The following GAS6 variants were observed in gnomAD, a reference collection of about 807,000 sequenced individuals.
GAS6 encodes growth arrest-specific protein 6.
In GAS6, 41 loss-of-function variants were observed where a neutral mutation model predicts 75.8. That is an observed-to-expected ratio of 0.54 (90% CI 0.42 to 0.70). The LOEUF is 0.70. GAS6 is among the 30% of genes least tolerant of loss of function. GAS6 has a pLI of 0.00. For synonymous variants in GAS6, 432 were observed against 412.6 expected (o/e 1.05, Z -0.57); for missense variants, 854 against 940.2 (o/e 0.91, Z 1.20).
At chr13:113,859,658 G>A (rs780335145) in intron 2 of GAS6, among the ~76,000 whole-genome samples, 2 of 152,148 alleles carry the variant, frequency 1.3e-5, no homozygotes, top group Non-Finnish European at 2.9e-5. Context: ...ATATGTACAT[G>A]TGTGCATGTG....
chr13:113,858,914 CAT>C (rs1380266816), intron 2 of GAS6, among the ~76,000 whole-genome samples: 5 of 149,280 alleles, frequency 3.3e-5, no homozygotes, highest in African/African-American at 1.0e-4. Flanking sequence ...TGTATGTGTA[CAT>C]GTCTGTTAGT....
chr13:113,847,818 T>G (rs563809451), intron 3 of GAS6: 15 of 608,096 alleles, frequency 2.5e-5, no homozygotes, highest in Non-Finnish European at 3.5e-5. Flanking sequence ...TCACCTGAGG[T>G]TCCACTAACA....
At chr13:113,855,459 C>T (rs748166826) in intron 2 of GAS6, among the ~76,000 whole-genome samples, 8 of 152,286 alleles carry the variant, frequency 5.3e-5, no homozygotes, top group East Asian at 1.9e-4. Flanking sequence ...TGTGTGTTCC[C>T]GGCTTACAAA....
intron 12 of GAS6, 47 bp from the exon 13 acceptor site, chr13:113,823,597 G>A: frequency 1.9e-6 from 3 of 1,552,072 alleles, no homozygotes; most frequent in South Asian, 1.2e-5. Flanking sequence ...CGGTGGAGAG[G>A]CCACAGTGAG....
At chr13:113,825,944 G>A (rs1465661102) in intron 12 of GAS6, among the ~76,000 whole-genome samples, 3 of 152,316 alleles carry the variant, frequency 2.0e-5, no homozygotes, top group African/African-American at 2.4e-5. Context: ...GAGATCTGAC[G>A]GAGGGGGCGC....
At chr13:113,843,381 G>C (rs1017406880) in intron 4 of GAS6, 2 of 151,668 alleles carry the variant, frequency 1.3e-5, no homozygotes, top group Non-Finnish European at 2.9e-5. Context: ...GCCTTTCCCT[G>C]GGTGGTGACG....
intron 2 of GAS6, among the ~76,000 whole-genome samples, chr13:113,849,088 G>A (rs1001300239): frequency 6.6e-6 from 1 of 152,158 alleles, no homozygotes; most frequent in Non-Finnish European, 1.5e-5. Context: ...TGTGGGAAGA[G>A]CCTGGAGGCC....
rs2051994736 is a variant in GAS6 at position 113,863,881 on chromosome 13, G to T, written c.40C>A (p.Arg14Ser). 8.3e-7 allele frequency: 1 copy of T among 1,203,766 alleles called. No individual in the cohort carries two copies. The highest frequency in any genetic ancestry group is 1.0e-6 in the Non-Finnish European group (1 of 972,364). 74.6% of individuals were successfully genotyped at this position (1,203,766 alleles called of 1,614,324 possible). The change falls in exon 1 of 15, where the codon CGC becomes AGC. Residue 14 changes from arginine (R) to serine (S), a missense_variant. Physicochemically the swap from Arg to Ser is moderately radical, Grantham distance 110. Coordinates refer to ENST00000327773, the MANE Select transcript of GAS6 (RefSeq NM_000820.4). This position sits in a 1 kb window ranked among gnomAD's most constrained non-coding sequence, Gnocchi z 9.4. ...SLSPGPAALR[R>S]APQLLLLLLA... ...AGCAGCAGCAGCAGCTGCGGCGCGCGGCGCAGGGCGGCGGGCCCGGGCGAG... is the reference window on the plus strand; with the variant it reads ...AGCAGCAGCAGCAGCTGCGGCGCGCTGCGCAGGGCGGCGGGCCCGGGCGAG...
intron 6 of GAS6, 188 bp from the exon 7 acceptor site, chr13:113,835,823 C>T (rs1010842936): frequency 1.9e-5 from 26 of 1,386,954 alleles, no homozygotes; most frequent in African/African-American, 8.8e-5. Context: ...TGTTGGTGCA[C>T]GCTTCTGATC....
chr13:113,821,872 C>T (rs2051463723), intron 14 of GAS6, 86 bp downstream of exon 14: 2 of 1,100,866 alleles, frequency 1.8e-6, no homozygotes, highest in Non-Finnish European at 2.5e-6. Flanking sequence ...CCAGAAACCC[C>T]AGCCTGTCCA....
chr13:113,824,356 G>GCA (rs2051506382), intron 12 of GAS6, among the ~76,000 whole-genome samples: 2 of 148,564 alleles, frequency 1.3e-5, no homozygotes, highest in African/African-American at 2.5e-5. Context: ...GAGCACCTGC[G>GCA]GTCTGGGGTC....
chr13:113,838,010 G>T, intron 6 of GAS6, 59 bp downstream of exon 6: 1 of 1,597,246 alleles, frequency 6.3e-7, no homozygotes, highest in South Asian at 1.1e-5. Flanking sequence ...GAGCAGACAT[G>T]ACCGAAAATA....
At chr13:113,822,450 A>C (rs2051473893) in intron 13 of GAS6, 2 of 387,596 alleles carry the variant, frequency 5.2e-6, no homozygotes, top group Non-Finnish European at 9.2e-6. Flanking sequence ...TGGGTGTGAG[A>C]GGGTCAACCC....
At chr13:113,861,449 T>C (rs1344641966) in intron 2 of GAS6, among the ~76,000 whole-genome samples, 4 of 152,182 alleles carry the variant, frequency 2.6e-5, no homozygotes, top group African/African-American at 9.7e-5. Flanking sequence ...GCCACAGCCC[T>C]TTTCCTCAAT....
rs2051824344 is a variant in GAS6 at position 113,845,170 on chromosome 13, C to G, written c.343+1357G>C. On this transcript the variant is annotated intron_variant, in intron 4 of 14. Coordinates refer to ENST00000327773, the MANE Select transcript of GAS6 (RefSeq NM_000820.4). The surrounding 1 kb of genome is among the most constrained non-coding windows in gnomAD (Gnocchi z 4.3). ...GGCCGGGCCACAGGGCAGGGCCACC[C>G]TCCCATTCCCATGTTTACACTGAGC... 6.6e-6 allele frequency: 1 copy of G among 150,710 alleles called. No homozygotes were observed. The highest frequency in any genetic ancestry group is 6.6e-5 in the Admixed American group (1 of 15,228). The allele number at this position is 150,710 out of a possible 1,614,324, so 9.3% of individuals were successfully genotyped here. A position where few individuals can be genotyped will look rare whatever the true frequency, so the allele number is the denominator to read the frequency against.
intron 8 of GAS6, chr13:113,832,954 G>A (rs1408160887): frequency 7.5e-6 from 11 of 1,459,528 alleles, no homozygotes; most frequent in African/African-American, 4.2e-5. Flanking sequence ...TGCAGCAGCC[G>A]CTTCCCACAG....
rs1232288551 is a variant in GAS6, at chr13:113,837,959, C to A, written c.589+110G>T. 10 of 1,392,314 alleles carry A rather than the reference C, an allele frequency of 7.2e-6. No homozygotes were observed. Among genetic ancestry groups the A allele is most frequent in the Middle Eastern group, 2.0e-4 (1 of 4,920 alleles). The allele number at this position is 1,392,314 out of a possible 1,614,324, so 86.2% of individuals were successfully genotyped here. A position where few individuals can be genotyped will look rare whatever the true frequency, so the allele number is the denominator to read the frequency against. On this transcript the variant is annotated intron_variant, in intron 6 of 14. Transcript: ENST00000327773. This position sits in a 1 kb window ranked among gnomAD's most constrained non-coding sequence, Gnocchi z 5.1. ...TCTCTGCAGGATGCCCCATCCCATC[C>A]AGAACCACAGGAACCCAGCCAGCAG...
chr13:113,863,954 G>A lies in GAS6; in HGVS notation c.-34C>T, dbSNP rs2051995459. 9.3e-7 allele frequency: 1 copy of A among 1,070,984 alleles called. No individual in the cohort carries two copies. The highest frequency in any genetic ancestry group is 4.4e-5 in the South Asian group (1 of 22,954). 66.3% of individuals were successfully genotyped at this position (1,070,984 alleles called of 1,614,324 possible). A position where few individuals can be genotyped will look rare whatever the true frequency, so the allele number is the denominator to read the frequency against. Reference sequence around the variant, plus strand: ...GGGGACGCGCGGTCAGAGCGCCCGGGAGGCCGAGGCGAGCCGCGGGCGCCG... The same window carrying A: ...GGGGACGCGCGGTCAGAGCGCCCGGAAGGCCGAGGCGAGCCGCGGGCGCCG... On this transcript the variant is annotated 5_prime_UTR_variant, in exon 1 of 15. Transcript: ENST00000327773. The surrounding 1 kb of genome is among the most constrained non-coding windows in gnomAD (Gnocchi z 9.4).
chr13:113,850,205 C>T (rs1393150285), intron 2 of GAS6, among the ~76,000 whole-genome samples: 1 of 152,108 alleles, frequency 6.6e-6, no homozygotes, highest in Non-Finnish European at 1.5e-5. Flanking sequence ...CCTCAAAACC[C>T]TCCCACCCCT....
Sources: allele counts gnomAD v4.1 joint callset (sites outside exome capture counted in the v4.1 genomes callset), GRCh38; gene constraint gnomAD v4.1.1; non-coding constraint Gnocchi (gnomAD v3.1); transcripts MANE v1.5; gene names NCBI Gene and HGNC (gene_info 2026-07-23, HGNC 2026-07-21).